EFCAB11: variants seen among roughly 807,000 people sequenced by gnomAD.
The protein encoded by EFCAB11 is EF-hand calcium-binding domain-containing protein 11.
EFCAB11 carries 14 observed loss-of-function variants against 23.0 expected under a neutral mutation model. That is an observed-to-expected ratio of 0.61 (90% CI 0.40 to 0.95). The LOEUF (loss-of-function observed/expected upper bound fraction) is 0.95, where lower values mean the gene tolerates loss of function less well. Ranked by LOEUF, EFCAB11 falls within the 40% of genes least tolerant of loss-of-function variation. The pLI is 0.00. For synonymous variants in EFCAB11, 65 were observed against 66.6 expected (o/e 0.98, Z 0.11); for missense variants, 198 against 195.8 (o/e 1.01, Z -0.07).
At chr14:89,867,354 TC>T (rs970512867) in intron 5 of EFCAB11, among the ~76,000 whole-genome samples, 1 of 152,188 alleles carries the variant, frequency 6.6e-6, no homozygotes, top group African/African-American at 2.4e-5. Context: ...TCCCTGGTCC[TC>T]CCCAAACCTC....
chr14:89,899,966 A>C (rs1165045366), intron 5 of EFCAB11, among the ~76,000 whole-genome samples: 1 of 152,194 alleles, frequency 6.6e-6, no homozygotes, highest in Non-Finnish European at 1.5e-5. Flanking sequence ...AAACCTGCTT[A>C]ATGTGGGCTG....
intron 5 of EFCAB11, among the ~76,000 whole-genome samples, chr14:89,858,846 G>C (rs1887835657): frequency 6.6e-6 from 1 of 151,926 alleles, no homozygotes; most frequent in African/African-American, 2.4e-5. Context: ...TATCTTAATT[G>C]CTTTCTCTGG....
intron 5 of EFCAB11, among the ~76,000 whole-genome samples, chr14:89,845,954 G>A (rs28658140): frequency 0.013 from 2,004 of 152,306 alleles, 47 homozygotes; most frequent in African/African-American, 0.044. Context: ...TACAGAGTTA[G>A]TATCTCAAGT....
intron 5 of EFCAB11, among the ~76,000 whole-genome samples, chr14:89,846,563 A>G (rs1035178077): frequency 6.6e-6 from 1 of 152,182 alleles, no homozygotes. Flanking sequence ...AGGGCCAGGG[A>G]TATCATCAGC....
chr14:89,868,207 C>T (rs1888156670), intron 5 of EFCAB11, among the ~76,000 whole-genome samples: 1 of 152,180 alleles, frequency 6.6e-6, no homozygotes, highest in Non-Finnish European at 1.5e-5. Context: ...TAACAGTGTG[C>T]AATCTCATCA....
intron 4 of EFCAB11, 115 bp downstream of exon 4, chr14:89,932,411 T>C (rs1262260445): frequency 2.6e-6 from 2 of 772,358 alleles, no homozygotes; most frequent in Admixed American, 5.7e-5. Context: ...AGCTAATGAA[T>C]ACAGTAATAT....
chr14:89,944,130 G>A (rs1450849544), intron 3 of EFCAB11, among the ~76,000 whole-genome samples: 6 of 152,198 alleles, frequency 3.9e-5, no homozygotes, highest in Non-Finnish European at 8.8e-5. Context: ...GAGACTGGAC[G>A]ATTTACAAAA....
chr14:89,896,156 C>T (rs141649656), intron 5 of EFCAB11, among the ~76,000 whole-genome samples: 21 of 152,252 alleles, frequency 1.4e-4, no homozygotes, highest in Admixed American at 2.6e-4. Flanking sequence ...GAGGCCGAGG[C>T]GGGCGGACCA....
rs1171408430 is a variant in EFCAB11 at position 89,843,085 on chromosome 14, A to G, written c.411-45761T>C. On this transcript the variant is annotated intron_variant, in intron 5 of 5. Coordinates refer to ENST00000316738, the MANE Select transcript of EFCAB11 (RefSeq NM_145231.4). ...CCATGGGCAAGGTCCACTCCTGTCTAGTACACAATGCTATCTCTACACCAG... is the reference window on the plus strand; with the variant it reads ...CCATGGGCAAGGTCCACTCCTGTCTGGTACACAATGCTATCTCTACACCAG... Among the ~76,000 whole-genome samples the G allele has an allele frequency of 3.9e-5, 6 of 152,150 alleles. 1 individual carries two copies. In the South Asian group the frequency reaches 6.2e-4, roughly 16 times the overall value.
At chr14:89,843,621 A>T (rs1235663408) in intron 5 of EFCAB11, among the ~76,000 whole-genome samples, 1 of 152,218 alleles carries the variant, frequency 6.6e-6, no homozygotes, top group Non-Finnish European at 1.5e-5. Flanking sequence ...GACTAGCTGC[A>T]GTGTAGAATT....
intron 2 of EFCAB11, among the ~76,000 whole-genome samples, chr14:89,953,478 G>A (rs752810588): frequency 1.3e-5 from 2 of 152,182 alleles, no homozygotes; most frequent in Non-Finnish European, 2.9e-5. Flanking sequence ...GGTAGGCGGC[G>A]AGCGGATTTT....
At chr14:89,848,336 T>G (rs1887497871) in intron 5 of EFCAB11, 1 of 152,096 alleles carries the variant, frequency 6.6e-6, no homozygotes, top group Non-Finnish European at 1.5e-5. Flanking sequence ...ACCCAGGACA[T>G]TTATTTTGGA....
At chr14:89,924,290 C>A in intron 5 of EFCAB11, 1 of 1,024,202 alleles carries the variant, frequency 9.8e-7, no homozygotes, top group Non-Finnish European at 1.2e-6. Flanking sequence ...CAGGATATAA[C>A]TTTAAACGTC....
chr14:89,919,798 C>T lies in EFCAB11; in HGVS notation c.410+11743G>A, dbSNP rs142198538. Among the ~76,000 whole-genome samples the T allele has an allele frequency of 2.4e-4, 36 of 152,236 alleles. 1 individual carries two copies. The East Asian group carries it at 5.0e-3, about 21-fold the overall frequency. Reference sequence around the variant, plus strand: ...GAGGCAAGAGCGAGTGCAGGAACTACGAGGCTTCACAGTAAGTCTATAGTG... The same window carrying T: ...GAGGCAAGAGCGAGTGCAGGAACTATGAGGCTTCACAGTAAGTCTATAGTG... On this transcript the variant is annotated intron_variant, in intron 5 of 5. Transcript: ENST00000316738.
chr14:89,886,079 A>G (rs1280138134), intron 5 of EFCAB11, among the ~76,000 whole-genome samples: 1 of 152,346 alleles, frequency 6.6e-6, no homozygotes, highest in South Asian at 2.1e-4. Flanking sequence ...CCAATGCAAC[A>G]TAACAGAGAG....
At chr14:89,816,425 GAACT>G (rs909588671) in intron 5 of EFCAB11, among the ~76,000 whole-genome samples, 3 of 152,068 alleles carry the variant, frequency 2.0e-5, no homozygotes, top group African/African-American at 4.8e-5. Flanking sequence ...AAAAATTTGT[GAACT>G]AACATGCAAA....
At chr14:89,843,876 G>C (rs1310404717) in intron 5 of EFCAB11, among the ~76,000 whole-genome samples, 1 of 152,200 alleles carries the variant, frequency 6.6e-6, no homozygotes, top group African/African-American at 2.4e-5. Context: ...CATGTATTGA[G>C]AAACTGTCAA....
intron 5 of EFCAB11, among the ~76,000 whole-genome samples, chr14:89,845,457 T>C (rs906051504): frequency 6.6e-6 from 1 of 152,168 alleles, no homozygotes; most frequent in African/African-American, 2.4e-5. Flanking sequence ...ATTCTTGAAA[T>C]AAGGTTTCAA....
intron 5 of EFCAB11, among the ~76,000 whole-genome samples, chr14:89,917,158 T>A (rs981237473): frequency 6.6e-6 from 1 of 150,756 alleles, no homozygotes; most frequent in Admixed American, 6.6e-5. Flanking sequence ...ACACAACACA[T>A]TAACTATAGT....
Sources: allele counts gnomAD v4.1 joint callset (sites outside exome capture counted in the v4.1 genomes callset), GRCh38; gene constraint gnomAD v4.1.1; transcripts MANE v1.5; gene names NCBI Gene and HGNC (gene_info 2026-07-23, HGNC 2026-07-21).